Variants in ERC1 observed in about 807,000 individuals in gnomAD.
The protein encoded by ERC1 is RAB6 interacting protein 2.
ERC1 carries 56 observed loss-of-function variants against 132.0 expected under a neutral mutation model. The ratio of observed to expected loss-of-function variants is 0.42; its 90% CI spans 0.34 to 0.53. The LOEUF is 0.53. Ranked by LOEUF, ERC1 falls within the 20% of genes least tolerant of loss-of-function variation. ERC1 has a pLI of 0.03. For synonymous variants in ERC1, 478 were observed against 476.1 expected, an observed-to-expected ratio of 1.00 and a Z score of -0.05; for missense variants, 1,202 against 1,349.9, an observed-to-expected ratio of 0.89 and a Z score of 1.72.
At chr12:1,233,296 C>A (rs1175642605) in intron 12 of ERC1, among the ~76,000 whole-genome samples, 2 of 151,694 alleles carry the variant, frequency 1.3e-5, no homozygotes, top group African/African-American at 4.8e-5. Flanking sequence ...CATGGTGAAA[C>A]CCCTTCTCTA....
At chr12:1,134,735 T>A (rs1949092800) in intron 7 of ERC1, among the ~76,000 whole-genome samples, 1 of 151,470 alleles carries the variant, frequency 6.6e-6, no homozygotes, top group African/African-American at 2.4e-5. Context: ...TAACTTTTTT[T>A]TTTTTTTTTT....
intron 2 of ERC1, among the ~76,000 whole-genome samples, chr12:1,067,104 G>A (rs187804115): frequency 2.0e-5 from 3 of 152,158 alleles, no homozygotes; most frequent in East Asian, 3.9e-4. Flanking sequence ...CTCTGTGCCC[G>A]GCCAAAACAT....
intron 18 of ERC1, among the ~76,000 whole-genome samples, chr12:1,485,274 A>T (rs10848488): frequency 7.2e-6 from 1 of 138,180 alleles, no homozygotes; most frequent in East Asian, 2.2e-4. Context: ...GCGTGATCTT[A>T]GCCCACTGCA....
intron 8 of ERC1, among the ~76,000 whole-genome samples, chr12:1,160,858 A>G (rs967648810): frequency 9.2e-5 from 14 of 152,180 alleles, no homozygotes; most frequent in Admixed American, 9.2e-4. Flanking sequence ...GGCCTCCCAA[A>G]GTGCTGAGAT....
chr12:1,327,721 C>T (rs2082552081), intron 15 of ERC1, among the ~76,000 whole-genome samples: 1 of 152,220 alleles, frequency 6.6e-6, no homozygotes, highest in Non-Finnish European at 1.5e-5. Flanking sequence ...AATAAATACA[C>T]AAGTGGTTTA....
At chr12:1,353,963 G>A (rs890476467) in intron 15 of ERC1, among the ~76,000 whole-genome samples, 5 of 151,006 alleles carry the variant, frequency 3.3e-5, no homozygotes, top group African/African-American at 9.8e-5. Context: ...GGCTTCCAGG[G>A]GACCACCTTC....
At chr12:1,248,553 G>C (rs1450942450) in intron 13 of ERC1, among the ~76,000 whole-genome samples, 1 of 152,216 alleles carries the variant, frequency 6.6e-6, no homozygotes, top group African/African-American at 2.4e-5. Context: ...CATTTTCAAA[G>C]TAGAGAATAG....
At chr12:1,150,161 C>T (rs1950709572) in intron 8 of ERC1, among the ~76,000 whole-genome samples, 1 of 152,174 alleles carries the variant, frequency 6.6e-6, no homozygotes, top group Admixed American at 6.5e-5. Flanking sequence ...CCTCAGACAG[C>T]ACAGGACATT....
At chr12:1,189,013 A>G (rs1185790896) in intron 11 of ERC1, among the ~76,000 whole-genome samples, 1 of 152,186 alleles carries the variant, frequency 6.6e-6, no homozygotes, top group Non-Finnish European at 1.5e-5. Context: ...TGACTTTTGT[A>G]GGATCCTGAA....
At chr12:1,265,044 G>C (rs1053900560) in intron 14 of ERC1, among the ~76,000 whole-genome samples, 3 of 152,158 alleles carry the variant, frequency 2.0e-5, no homozygotes, top group African/African-American at 4.8e-5. Flanking sequence ...TCAGTGCCCT[G>C]TTCCTAGATA....
intron 14 of ERC1, among the ~76,000 whole-genome samples, chr12:1,280,971 A>G (rs924484209): frequency 1.5e-4 from 23 of 152,198 alleles, no homozygotes; most frequent in Admixed American, 3.3e-4. Flanking sequence ...TGTGTGTCTA[A>G]TTAATGAAAT....
intron 18 of ERC1, among the ~76,000 whole-genome samples, chr12:1,453,440 C>T (rs1206877754): frequency 6.6e-6 from 1 of 152,200 alleles, no homozygotes; most frequent in African/African-American, 2.4e-5. Flanking sequence ...ACAGCTTTTC[C>T]CTTGTTCTAA....
intron 14 of ERC1, among the ~76,000 whole-genome samples, chr12:1,283,200 G>T (rs948202626): frequency 1.3e-5 from 2 of 152,142 alleles, no homozygotes; most frequent in African/African-American, 4.8e-5. Context: ...GTCAGGCCCC[G>T]TGCTTTCTGC....
chr12:1,396,719 G>A (rs2090572599), intron 16 of ERC1, among the ~76,000 whole-genome samples: 2 of 152,188 alleles, frequency 1.3e-5, no homozygotes, highest in Non-Finnish European at 2.9e-5. Flanking sequence ...CTATGCAGCA[G>A]CTGCCCAGGG....
intron 2 of ERC1, among the ~76,000 whole-genome samples, chr12:1,040,323 T>C (rs1201928056): frequency 6.7e-6 from 1 of 150,138 alleles, no homozygotes; most frequent in Non-Finnish European, 1.5e-5. Flanking sequence ...TTTTCTTTTT[T>C]CTTTTTTTTT....
intron 2 of ERC1, among the ~76,000 whole-genome samples, chr12:1,080,400 A>G (rs7314200): frequency 0.23 from 34,555 of 152,126 alleles, 4,344 homozygotes; most frequent in Middle Eastern, 0.27. Context: ...TGATTGGCTT[A>G]TTTCACTTAG....
At chr12:1,046,660 T>C (rs1332623220) in intron 2 of ERC1, among the ~76,000 whole-genome samples, 1 of 152,226 alleles carries the variant, frequency 6.6e-6, no homozygotes, top group Admixed American at 6.5e-5. Flanking sequence ...TAATAATAGC[T>C]AACACTTGTG....
intron 16 of ERC1, among the ~76,000 whole-genome samples, chr12:1,403,676 T>C: frequency 6.6e-6 from 1 of 152,226 alleles, no homozygotes; most frequent in East Asian, 1.9e-4. Flanking sequence ...GATCAGTTTT[T>C]TTCAGGCAGG....
intron 15 of ERC1, among the ~76,000 whole-genome samples, chr12:1,346,311 T>G (rs1000864002): frequency 1.3e-5 from 2 of 152,200 alleles, no homozygotes; most frequent in Non-Finnish European, 2.9e-5. Context: ...TTTATGAGGT[T>G]GCCATAGTTA....
Sources: gnomAD v4.1 joint callset for allele counts (sites outside exome capture counted in the v4.1 genomes callset) on GRCh38, gnomAD v4.1.1 for gene constraint, MANE v1.5 for transcripts, NCBI Gene and HGNC (gene_info 2026-07-23, HGNC 2026-07-21) for gene names.